Variants in MTPN observed in about 807,000 individuals in gnomAD.
MTPN encodes myotrophin, also known as granule cell differentiation protein.
A neutral mutation model predicts 13.5 loss-of-function variants in MTPN; 2 were observed. The observed-to-expected ratio is 0.15, with a 90% CI of 0.06 to 0.47. The LOEUF is 0.47. Among genes scored for constraint, MTPN ranks in the 20% least tolerant of loss-of-function variants. The pLI is 0.97. For missense variants in MTPN, 79 were observed against 137.9 expected, an observed-to-expected ratio of 0.57 and a Z score of 2.14; for synonymous variants, 46 against 51.7, an observed-to-expected ratio of 0.89 and a Z score of 0.48.
intron 1 of MTPN, among the ~76,000 whole-genome samples, chr7:135,963,286 TACTC>T (rs1190821041): frequency 6.6e-6 from 1 of 151,974 alleles, no homozygotes; most frequent in African/African-American, 2.4e-5. Flanking sequence ...CCTTTCCTAA[TACTC>T]TCTCTCTGTC....
chr7:135,935,966 A>G (rs981528741), intron 3 of MTPN, among the ~76,000 whole-genome samples: 1 of 152,028 alleles, frequency 6.6e-6, no homozygotes, highest in Non-Finnish European at 1.5e-5. Flanking sequence ...TTCATAACAC[A>G]CTATCCCCTT....
chr7:135,932,129 T>C (rs555149181), intron 3 of MTPN: 1 of 152,280 alleles, frequency 6.6e-6, no homozygotes, highest in South Asian at 2.1e-4. Flanking sequence ...GGGTCCTCTA[T>C]AGTCCTGGGA....
chr7:135,972,132 C>T (rs1427913391), intron 1 of MTPN, among the ~76,000 whole-genome samples: 4 of 152,052 alleles, frequency 2.6e-5, no homozygotes, highest in East Asian at 1.9e-4. Flanking sequence ...GCCTCTTTCT[C>T]GTTTTCTTAA....
chr7:135,947,866 T>C (rs1180309506), intron 3 of MTPN, among the ~76,000 whole-genome samples: 5 of 152,216 alleles, frequency 3.3e-5, no homozygotes, highest in Non-Finnish European at 4.4e-5. Flanking sequence ...TAAAGTTTGA[T>C]TTCAAATATT....
intron 3 of MTPN, among the ~76,000 whole-genome samples, 159 bp from the exon 4 acceptor site, chr7:135,930,171 C>G (rs1369178764): frequency 6.6e-6 from 1 of 152,162 alleles, no homozygotes; most frequent in East Asian, 1.9e-4. Context: ...AAGTTGGCAA[C>G]ATTATGGATT....
intron 1 of MTPN, among the ~76,000 whole-genome samples, chr7:135,969,591 G>T (rs1799661773): frequency 6.6e-6 from 1 of 151,666 alleles, no homozygotes; most frequent in African/African-American, 2.4e-5. Context: ...TGTCCAAAAT[G>T]GAAGAAAAAA....
At chr7:135,953,345 C>T (rs749208544) in intron 1 of MTPN, among the ~76,000 whole-genome samples, 7 of 152,144 alleles carry the variant, frequency 4.6e-5, no homozygotes, top group African/African-American at 7.2e-5. Context: ...ATGCAAATTC[C>T]TTGGGAGTAG....
chr7:135,975,373 T>C (rs1390421967), intron 1 of MTPN, among the ~76,000 whole-genome samples: 2 of 152,218 alleles, frequency 1.3e-5, no homozygotes, highest in East Asian at 3.9e-4. Context: ...TTAAAGAGTT[T>C]CAGTTTTGGA....
In MTPN at chr7:135,937,760, C is replaced by G. The variant is rs1357547452; in HGVS notation, c.271-7748G>C. On this transcript the variant is annotated intron_variant, in intron 3 of 3. Transcript: ENST00000393085. Reference sequence around the variant, plus strand: ...CCTTCCACCTCTTCCTCCTCTGAGACAGCAAGACCAACCCCCAATTCCTCC... The same window carrying G: ...CCTTCCACCTCTTCCTCCTCTGAGAGAGCAAGACCAACCCCCAATTCCTCC... Among the ~76,000 whole-genome samples, 5 of 152,246 alleles carry G rather than the reference C, an allele frequency of 3.3e-5. No individual in the cohort carries two copies. In the East Asian group the frequency reaches 9.7e-4, roughly 29 times the overall value.
intron 1 of MTPN, among the ~76,000 whole-genome samples, chr7:135,954,403 TAGTA>T (rs1468204662): frequency 1.3e-5 from 2 of 152,206 alleles, no homozygotes; most frequent in African/African-American, 2.4e-5. Context: ...CAAATTTAAA[TAGTA>T]AGGGCGAACT....
In MTPN at chr7:135,950,603, G is replaced by A. The variant is rs1381129901; in HGVS notation, c.266C>T (p.Ser89Leu). The change falls in exon 3 of 4, where the codon TCA (serine) becomes TTA (leucine). Residue 89 changes from serine (S) to leucine (L), a missense_variant. Physicochemically the swap from Ser to Leu is moderately radical, Grantham distance 145. Transcript: ENST00000393085. ...ACTATTAGCAATTGACCTCACCTTT[G>A]ACAGAAGCAATTTCACACAGGAAAC... ...GHVSCVKLLL[S>L]KGADKTVKGP... 6.2e-7 allele frequency: 1 copy of A among 1,611,004 alleles called. No individual in the cohort carries two copies. The highest frequency in any genetic ancestry group is 8.5e-7 in the Non-Finnish European group (1 of 1,177,376).
At chr7:135,974,763 T>A (rs953529565) in intron 1 of MTPN, among the ~76,000 whole-genome samples, 1 of 152,080 alleles carries the variant, frequency 6.6e-6, no homozygotes, top group East Asian at 1.9e-4. Flanking sequence ...ACTCAAAAAG[T>A]GAGTGTTCAC....
At chr7:135,972,021 T>C (rs1799700675) in intron 1 of MTPN, among the ~76,000 whole-genome samples, 1 of 152,236 alleles carries the variant, frequency 6.6e-6, no homozygotes, top group Non-Finnish European at 1.5e-5. Context: ...GTCTCTATAC[T>C]AATTATTTCT....
At chr7:135,964,650 T>C (rs1018591394) in intron 1 of MTPN, among the ~76,000 whole-genome samples, 5 of 152,106 alleles carry the variant, frequency 3.3e-5, no homozygotes, top group Non-Finnish European at 7.4e-5. Flanking sequence ...AAATTTAGTA[T>C]AGAAATTCTA....
At chr7:135,932,319 C>A (rs1799036364) in intron 3 of MTPN, 1 of 152,128 alleles carries the variant, frequency 6.6e-6, no homozygotes, top group South Asian at 2.1e-4. Flanking sequence ...CAGAGCCCTG[C>A]AGTTGCCACA....
intron 1 of MTPN, among the ~76,000 whole-genome samples, chr7:135,969,283 G>GA (rs1362909866): frequency 2.2e-5 from 3 of 138,652 alleles, no homozygotes; most frequent in African/African-American, 5.3e-5. Flanking sequence ...GAAATTACTA[G>GA]AAAAAATATT....
chr7:135,937,352 C>A (rs915148487), intron 3 of MTPN, among the ~76,000 whole-genome samples: 1 of 150,902 alleles, frequency 6.6e-6, no homozygotes. Flanking sequence ...ATATATAGAT[C>A]TCCAAGTGCT....
chr7:135,959,255 T>C (rs986210322), intron 1 of MTPN, among the ~76,000 whole-genome samples: 2 of 152,190 alleles, frequency 1.3e-5, no homozygotes, highest in African/African-American at 2.4e-5. Context: ...AAATACCCTG[T>C]AACACTAAAA....
chr7:135,949,573 T>C (rs1199973487), intron 3 of MTPN, among the ~76,000 whole-genome samples: 1 of 152,164 alleles, frequency 6.6e-6, no homozygotes. Flanking sequence ...AAGCTATGGA[T>C]AGAAAAAACC....
Sources: allele counts gnomAD v4.1 joint callset (sites outside exome capture counted in the v4.1 genomes callset), GRCh38; gene constraint gnomAD v4.1.1; transcripts MANE v1.5; gene names NCBI Gene and HGNC (gene_info 2026-07-23, HGNC 2026-07-21).